The following FRMD4B variants were observed in gnomAD, a reference collection of about 807,000 sequenced individuals.
FRMD4B encodes the protein FERM domain-containing protein 4B.
Under a neutral mutation model 141.5 loss-of-function variants are expected in FRMD4B, and 74 were observed. The observed-to-expected ratio is 0.52, with a 90% CI of 0.43 to 0.63. The LOEUF (loss-of-function observed/expected upper bound fraction) is 0.63. FRMD4B is among the 30% of genes least tolerant of loss of function. The probability of loss-of-function intolerance (pLI) is 0.00; values close to 1 mark genes in which losing one functional copy is unlikely to be tolerated. For synonymous variants in FRMD4B, 506 were observed against 467.9 expected (o/e 1.08, Z -1.05); for missense variants, 1,366 against 1,253.4 (o/e 1.09, Z -1.36).
chr3:69,474,669 T>C (rs551220776), intron 1 of FRMD4B, among the ~76,000 whole-genome samples: 2 of 151,768 alleles, frequency 1.3e-5, no homozygotes, highest in African/African-American at 4.9e-5. Context: ...AATACCTTGA[T>C]TGCTTTAAAC....
intron 5 of FRMD4B, among the ~76,000 whole-genome samples, chr3:69,255,883 A>G (rs944403300): frequency 6.6e-6 from 1 of 152,170 alleles, no homozygotes; most frequent in African/African-American, 2.4e-5. Context: ...AGTCAACTGT[A>G]TCCACTGCTG....
intron 3 of FRMD4B, chr3:69,310,553 AACACAC>A (rs138025208): frequency 3.4e-6 from 1 of 296,088 alleles, no homozygotes; most frequent in Non-Finnish European, 6.5e-6. Context: ...CACACAGACA[AACACAC>A]ACACACACAC....
intron 1 of FRMD4B, among the ~76,000 whole-genome samples, chr3:69,513,142 C>A: frequency 6.6e-6 from 1 of 150,712 alleles, no homozygotes; most frequent in African/African-American, 2.4e-5. Flanking sequence ...TGAAAAAAAT[C>A]AACAAATTTG....
At chr3:69,261,230 T>C (rs1014151346) in intron 5 of FRMD4B, among the ~76,000 whole-genome samples, 5 of 152,170 alleles carry the variant, frequency 3.3e-5, no homozygotes, top group Admixed American at 1.3e-4. Flanking sequence ...AGTGAGATCA[T>C]GAATCCACCA....
intron 1 of FRMD4B, among the ~76,000 whole-genome samples, chr3:69,437,700 A>G (rs1264378052): frequency 7.6e-6 from 1 of 132,300 alleles, no homozygotes; most frequent in Non-Finnish European, 1.5e-5. Flanking sequence ...TAGTATATAT[A>G]CTATATAAAT....
chr3:69,321,859 C>G (rs2107284009), intron 1 of FRMD4B, among the ~76,000 whole-genome samples: 1 of 152,244 alleles, frequency 6.6e-6, no homozygotes, highest in South Asian at 2.1e-4. Flanking sequence ...GGACTATAGG[C>G]AAGTGCCACC....
intron 1 of FRMD4B, among the ~76,000 whole-genome samples, chr3:69,506,440 A>C (rs982255671): frequency 2.0e-5 from 3 of 152,182 alleles, no homozygotes; most frequent in African/African-American, 7.2e-5. Flanking sequence ...CAAGTGTAAA[A>C]AAAAAAAAAT....
chr3:69,431,658 C>T (rs1445408644), intron 2 of FRMD4B, among the ~76,000 whole-genome samples: 1 of 152,158 alleles, frequency 6.6e-6, no homozygotes, highest in Non-Finnish European at 1.5e-5. Context: ...GATGAGGAAA[C>T]TGAGGCAAAG....
intron 1 of FRMD4B, among the ~76,000 whole-genome samples, chr3:69,470,671 T>C (rs1310484814): frequency 6.6e-6 from 1 of 152,168 alleles, no homozygotes; most frequent in African/African-American, 2.4e-5. Context: ...TCTGCAGCTG[T>C]AGACAAAACT....
At chr3:69,386,121 C>G (rs1191780513), upstream of FRMD4B, 18 of 805,326 alleles carry the variant, frequency 2.2e-5, no homozygotes, top group Non-Finnish European at 3.4e-5. Context: ...CCACCAAACT[C>G]GTCTTTCACC....
At chr3:69,358,855 A>G (rs1252453656) in intron 1 of FRMD4B, among the ~76,000 whole-genome samples, 2 of 152,244 alleles carry the variant, frequency 1.3e-5, no homozygotes, top group Non-Finnish European at 2.9e-5. Flanking sequence ...CTAATAAAAG[A>G]TAAGTTCAGC....
intron 5 of FRMD4B, among the ~76,000 whole-genome samples, chr3:69,260,744 T>C (rs1459011226): frequency 6.6e-6 from 1 of 152,230 alleles, no homozygotes; most frequent in Non-Finnish European, 1.5e-5. Context: ...GGAGAACTTT[T>C]ATGTCTAGCT....
At chr3:69,267,695 TGTCTGTCCCCCCA>T (rs1415585647) in intron 5 of FRMD4B, among the ~76,000 whole-genome samples, 1 of 128,236 alleles carries the variant, frequency 7.8e-6, no homozygotes, top group African/African-American at 3.0e-5. Context: ...AGAGAGTGTC[TGTCTGTCCCCCCA>T]GTCTATCTCT....
At chr3:69,388,081 G>A (rs1256723525), upstream of FRMD4B, among the ~76,000 whole-genome samples, 3 of 151,846 alleles carry the variant, frequency 2.0e-5, no homozygotes, top group East Asian at 5.8e-4. Flanking sequence ...AAATGGTGGT[G>A]GTACTTTTTT....
At chr3:69,175,978 C>T (rs560647735) in intron 22 of FRMD4B, among the ~76,000 whole-genome samples, 1 of 152,032 alleles carries the variant, frequency 6.6e-6, no homozygotes, top group African/African-American at 2.4e-5. Context: ...GATGGGGTTT[C>T]ACCGTGTTAG....
At chr3:69,300,417 C>T (rs372518674) in intron 4 of FRMD4B, among the ~76,000 whole-genome samples, 72 of 152,260 alleles carry the variant, frequency 4.7e-4, no homozygotes, top group African/African-American at 1.6e-3. Flanking sequence ...GATAACACTC[C>T]AAGTAAGTGC....
chr3:69,284,067 G>A (rs1046828098), intron 5 of FRMD4B, among the ~76,000 whole-genome samples: 5 of 151,946 alleles, frequency 3.3e-5, no homozygotes, highest in African/African-American at 1.2e-4. Context: ...TGAACAAGGC[G>A]AGCCCTATGA....
chr3:69,524,157 G>T (rs563833036), intron 1 of FRMD4B, among the ~76,000 whole-genome samples: 33 of 152,268 alleles, frequency 2.2e-4, no homozygotes, highest in Non-Finnish European at 2.9e-5. Flanking sequence ...GCCTGACTTG[G>T]TCAGCAACAG....
At chr3:69,370,687 T>C (rs949348129) in intron 1 of FRMD4B, among the ~76,000 whole-genome samples, 1 of 152,258 alleles carries the variant, frequency 6.6e-6, no homozygotes, top group Non-Finnish European at 1.5e-5. Flanking sequence ...AAACGTTGCC[T>C]TCGGGCAGAG....
Sources: gnomAD v4.1 joint callset for allele counts (sites outside exome capture counted in the v4.1 genomes callset) on GRCh38, gnomAD v4.1.1 for gene constraint, MANE v1.5 for transcripts, NCBI Gene and HGNC (gene_info 2026-07-23, HGNC 2026-07-21) for gene names.